Variants in NME9 observed in about 807,000 individuals in gnomAD.
The protein encoded by NME9 is thioredoxin domain-containing protein 6.
NME9 carries 48 observed loss-of-function variants against 44.4 expected under a neutral mutation model. That is an observed-to-expected ratio of 1.08 (90% CI 0.86 to 1.37). NME9 has a LOEUF of 1.37. Among genes scored for constraint, NME9 ranks in the 40% most tolerant of loss-of-function variants. The probability of loss-of-function intolerance (pLI) is 0.00; values close to 1 mark genes in which losing one functional copy is unlikely to be tolerated. For missense variants in NME9, 325 were observed against 405.2 expected (o/e 0.80, Z 1.70); for synonymous variants, 139 against 147.1 (o/e 0.94, Z 0.40).
rs148883966 is a variant in NME9, at chr3:138,268,169, G to T, written c.746-5583C>A. On this transcript the variant is annotated intron_variant, in intron 8 of 8. Transcript: ENST00000317876. ...GAGGCAAGAGAATCACTTGAACCCG[G>T]GAGGCAAAGGTTGCAGTGAGCTGAG... 9.1e-3 allele frequency among the ~76,000 whole-genome samples: 1,388 copies of T among 152,228 alleles called. 25 individuals are homozygous for T. Among genetic ancestry groups the T allele is most frequent in the African/African-American group, 0.032 (1,331 of 41,526 alleles).
At chr3:138,270,033 A>T (rs760582045) in intron 8 of NME9, 14 of 1,606,352 alleles carry the variant, frequency 8.7e-6, no homozygotes, top group Non-Finnish European at 1.1e-5. Context: ...TCCCTGTCCA[A>T]TGGCAGCCAA....
At chr3:138,300,114 C>T (rs1436705389), downstream of NME9, among the ~76,000 whole-genome samples, 1 of 152,200 alleles carries the variant, frequency 6.6e-6, no homozygotes, top group Non-Finnish European at 1.5e-5. Flanking sequence ...CATCCAGCTT[C>T]CTGACAGGTC....
chr3:138,305,875 G>A (rs1166703550), intron 8 of NME9, 129 bp downstream of exon 8: 4 of 698,714 alleles, frequency 5.7e-6, no homozygotes, highest in Non-Finnish European at 1.0e-5. Context: ...ATAAATTCAT[G>A]ACCCACTTGC....
intron 8 of NME9, among the ~76,000 whole-genome samples, chr3:138,280,386 T>G (rs1244715277): frequency 6.7e-6 from 1 of 149,362 alleles, no homozygotes; most frequent in Non-Finnish European, 1.5e-5. Flanking sequence ...GGTGTGATCT[T>G]GGCTCACTGC....
Position 138,273,182 on chromosome 3 carries a change from C to G in NME9, c.746-10596G>C, listed in dbSNP as rs925207032. 2.1e-6 allele frequency: 3 copies of G among 1,438,274 alleles called. No homozygotes were observed. In the African/African-American group the frequency reaches 4.3e-5, roughly 21 times the overall value. 89.1% of individuals were successfully genotyped at this position (1,438,274 alleles called of 1,614,324 possible). On this transcript the variant is annotated intron_variant, in intron 8 of 8. Transcript: ENST00000317876. ...CATATGCATTGCAAGACATTGCTCT[C>G]TCTCTGTGCTCTCATTAACATCTGC...
chr3:138,277,163 G>A (rs1484722846), intron 8 of NME9, among the ~76,000 whole-genome samples: 1 of 152,084 alleles, frequency 6.6e-6, no homozygotes, highest in Non-Finnish European at 1.5e-5. Context: ...AGGTACAAAG[G>A]CAACTTGGTG....
At chr3:138,320,479 T>C (rs971798473) in intron 2 of NME9, among the ~76,000 whole-genome samples, 1 of 152,236 alleles carries the variant, frequency 6.6e-6, no homozygotes, top group African/African-American at 2.4e-5. Flanking sequence ...TAATAATTGA[T>C]TAGCTCTGCC....
chr3:138,266,309 G>A (rs2048281454), intron 8 of NME9, among the ~76,000 whole-genome samples: 1 of 152,090 alleles, frequency 6.6e-6, no homozygotes, highest in Non-Finnish European at 1.5e-5. Context: ...TACAGTATCA[G>A]TGCCTTTCTA....
chr3:138,306,237 A>T (rs943897414), intron 7 of NME9, 141 bp from the exon 8 acceptor site: 1 of 827,868 alleles, frequency 1.2e-6, no homozygotes, highest in Admixed American at 2.1e-5. Flanking sequence ...TATCTGTCCC[A>T]ATCAGATTTA....
chr3:138,318,089 A>G (rs1183688069), intron 4 of NME9, 59 bp downstream of exon 4: 10 of 1,064,822 alleles, frequency 9.4e-6, no homozygotes, highest in Non-Finnish European at 1.5e-5. Context: ...AGATGCTTCT[A>G]TTTTGAACTC....
intron 9 of NME9, 113 bp from the exon 10 acceptor site, chr3:138,303,756 AT>A (rs2052016456): frequency 4.4e-6 from 4 of 914,962 alleles, no homozygotes; most frequent in Admixed American, 2.6e-5. Flanking sequence ...TTCCTGTGAA[AT>A]TGATTTCTCT....
chr3:138,265,893 A>G (rs1346567151), intron 8 of NME9, among the ~76,000 whole-genome samples: 1 of 152,198 alleles, frequency 6.6e-6, no homozygotes, highest in Non-Finnish European at 1.5e-5. Flanking sequence ...GGAATAAAGC[A>G]GTAGGAGTGG....
intron 9 of NME9, among the ~76,000 whole-genome samples, chr3:138,304,196 A>G (rs1339233456): frequency 1.3e-5 from 2 of 152,220 alleles, no homozygotes; most frequent in Non-Finnish European, 2.9e-5. Flanking sequence ...TAAGATCTGA[A>G]TCCTGAGCTG....
chr3:138,275,455 A>C (rs959033988), intron 8 of NME9, among the ~76,000 whole-genome samples: 8 of 152,156 alleles, frequency 5.3e-5, no homozygotes, highest in African/African-American at 1.9e-4. Flanking sequence ...ACTACTGGGG[A>C]GGCTGAGGCA....
rs766434759 is a variant in NME9 at position 138,303,590 on chromosome 3, C to G, written c.845G>C (p.Arg282Pro). Residue 282 changes from arginine to proline, a missense_variant, in exon 10 of 11, where the codon CGG (arginine) becomes CCG (proline). Physicochemically the swap from Arg to Pro is moderately radical, Grantham distance 103. Transcript: ENST00000333911. Reference sequence around the variant, plus strand: ...TTCTCTGTCAGCATCTTCTCTGTCCCGGCTTCCATGGACGGCATTGAAGGG... The same window carrying G: ...TTCTCTGTCAGCATCTTCTCTGTCCGGGCTTCCATGGACGGCATTGAAGGG... ...EMPFNAVHGS[R>P]DREDADRELA... 2.5e-6 allele frequency: 4 copies of G among 1,613,632 alleles called. No homozygotes were observed. Among genetic ancestry groups the G allele is most frequent in the Non-Finnish European group, 3.4e-6 (4 of 1,179,644 alleles).
At chr3:138,287,909 A>T (rs1414469391) in intron 8 of NME9, 2 of 239,918 alleles carry the variant, frequency 8.3e-6, no homozygotes, top group South Asian at 5.7e-5. Flanking sequence ...TTATTTTATT[A>T]TTGAGTCCTT....
chr3:138,294,331 G>T (rs2051266748), intron 8 of NME9, among the ~76,000 whole-genome samples: 1 of 152,184 alleles, frequency 6.6e-6, no homozygotes, highest in Non-Finnish European at 1.5e-5. Context: ...CAGGGTCCCA[G>T]AGCTCCCGCC....
chr3:138,315,024 G>A (rs1156597720), intron 5 of NME9, among the ~76,000 whole-genome samples: 2 of 152,322 alleles, frequency 1.3e-5, no homozygotes, highest in East Asian at 3.9e-4. Context: ...GGCAGTCAAT[G>A]TTATCATGGA....
chr3:138,277,968 T>C (rs760830282), intron 8 of NME9, among the ~76,000 whole-genome samples: 5 of 152,174 alleles, frequency 3.3e-5, no homozygotes, highest in Non-Finnish European at 7.3e-5. Flanking sequence ...GAATCTCAAA[T>C]GCATTACGCT....
Sources: allele counts gnomAD v4.1 joint callset (sites outside exome capture counted in the v4.1 genomes callset), GRCh38; gene constraint gnomAD v4.1.1; transcripts MANE v1.5; gene names NCBI Gene and HGNC (gene_info 2026-07-23, HGNC 2026-07-21).